Variants in ADAMTS2 observed in about 807,000 individuals in gnomAD.
The protein encoded by ADAMTS2 is ADAM metallopeptidase with thrombospondin type 1 motif 2.
Under a neutral mutation model 123.0 loss-of-function variants are expected in ADAMTS2, and 50 were observed. That is an observed-to-expected ratio of 0.41 (90% confidence interval 0.32 to 0.51). The LOEUF (loss-of-function observed/expected upper bound fraction) is 0.51. ADAMTS2 is among the 20% of genes least tolerant of loss of function. The pLI is 0.35. For synonymous variants in ADAMTS2, 678 were observed against 695.4 expected (o/e 0.98, Z 0.39); for missense variants, 1,494 against 1,705.2 (o/e 0.88, Z 2.18).
rs139191479 is a variant in ADAMTS2 at position 179,199,866 on chromosome 5, G to A, written c.891+7647C>T. Among the ~76,000 whole-genome samples, 57 of 152,272 alleles carry A rather than the reference G, an allele frequency of 3.7e-4. 1 individual carries two copies. Among genetic ancestry groups the A allele is most frequent in the African/African-American group, 1.1e-3 (46 of 41,544 alleles). ...AATATTTGCATTTAAAATAGCCATC[G>A]CACAATTTAAAGATGAATAAGAAAT... On this transcript the variant is annotated intron_variant, in intron 4 of 21. Coordinates refer to ENST00000251582, the MANE Select transcript of ADAMTS2 (RefSeq NM_014244.5).
At chr5:179,230,500 G>A (rs1429118632) in intron 3 of ADAMTS2, among the ~76,000 whole-genome samples, 1 of 147,420 alleles carries the variant, frequency 6.8e-6, no homozygotes, top group Admixed American at 7.1e-5. Context: ...GTTATGCCCG[G>A]GAGGGCTGTG....
In ADAMTS2 at chr5:179,117,266, G is replaced by T. The variant is rs1241857132; in HGVS notation, c.3179-2942C>A. On this transcript the variant is annotated intron_variant, in intron 21 of 21. Coordinates refer to ENST00000251582, the MANE Select transcript of ADAMTS2 (RefSeq NM_014244.5). The surrounding 1 kb of genome is among the most constrained non-coding windows in gnomAD (Gnocchi z 4.2). The stretch of plus-strand genomic sequence containing the variant: ...CCCTTCTCCCTACCCCATAGGCTTT[G>T]ACAAAGGAGGGAGCCTGGGCCTGAT... 2.0e-5 allele frequency among the ~76,000 whole-genome samples: 3 copies of T among 152,288 alleles called. No individual in the cohort carries two copies. Among genetic ancestry groups the T allele is most frequent in the South Asian group, 2.1e-4 (1 of 4,828 alleles).
At position 179,189,273 on chromosome 5, in the gene ADAMTS2, A is replaced by C. The variant is rs1389048073; in HGVS notation, c.892-8118T>G. On this transcript the variant is annotated intron_variant, in intron 4 of 21. Coordinates refer to ENST00000251582, the MANE Select transcript of ADAMTS2 (RefSeq NM_014244.5). The surrounding 1 kb of genome is among the most constrained non-coding windows in gnomAD (Gnocchi z 4.2). ...ACCTGGGTGCAGGTGGGCTGAGTCCAAAAAGAGAGTCAGCAAAGGGTGGTG... is the reference window on the plus strand; with the variant it reads ...ACCTGGGTGCAGGTGGGCTGAGTCCCAAAAGAGAGTCAGCAAAGGGTGGTG... Among the ~76,000 whole-genome samples, 2 of 152,192 alleles carry C rather than the reference A, an allele frequency of 1.3e-5. No individual in the cohort carries two copies. The highest frequency in any genetic ancestry group is 6.5e-5 in the Admixed American group (1 of 15,276).
intron 3 of ADAMTS2, among the ~76,000 whole-genome samples, chr5:179,217,958 T>G (rs1158537759): frequency 6.6e-6 from 1 of 151,534 alleles, no homozygotes; most frequent in East Asian, 1.9e-4. Context: ...AGAGGTGCTG[T>G]GCTACTGCCT....
chr5:179,342,529 G>A (rs1757805189), intron 2 of ADAMTS2, among the ~76,000 whole-genome samples: 1 of 152,264 alleles, frequency 6.6e-6, no homozygotes, highest in South Asian at 2.1e-4. Flanking sequence ...AAGAATGACA[G>A]TGGTTGCAGA....
At chr5:179,171,644 C>G (rs546108287) in intron 5 of ADAMTS2, among the ~76,000 whole-genome samples, 1 of 152,228 alleles carries the variant, frequency 6.6e-6, no homozygotes, top group Admixed American at 6.5e-5. Flanking sequence ...CCCCTACCCC[C>G]ATCACTGCCT....
At chr5:179,122,933 C>T (rs555049624) in intron 19 of ADAMTS2, 160 bp from the exon 20 acceptor site, 186 of 1,034,966 alleles carry the variant, frequency 1.8e-4, no homozygotes, top group Non-Finnish European at 2.5e-4. Context: ...GCCCCACCCT[C>T]GGGGGCAGCC....
chr5:179,153,636 C>T lies in ADAMTS2; in HGVS notation c.1383-13G>A. ...GCAGTCATAGGAGCTGTGGGGGACA[C>T]ACGGTGCCGCGAGCAGCCTTCAGCG... On this transcript the variant is annotated splice_polypyrimidine_tract_variant and intron_variant, in intron 8 of 21. Transcript: ENST00000251582. The T allele has an allele frequency of 1.3e-6, 2 of 1,598,590 alleles. No homozygotes were observed. The highest frequency in any genetic ancestry group is 1.7e-6 in the Non-Finnish European group (2 of 1,178,742).
intron 3 of ADAMTS2, among the ~76,000 whole-genome samples, chr5:179,233,175 A>G (rs1004022251): frequency 6.6e-6 from 1 of 152,230 alleles, no homozygotes; most frequent in Non-Finnish European, 1.5e-5. Context: ...AGAGTTGCAG[A>G]TAACTCCACA....
chr5:179,187,764 G>T (rs759635150), intron 4 of ADAMTS2, among the ~76,000 whole-genome samples: 2 of 152,202 alleles, frequency 1.3e-5, no homozygotes, highest in Non-Finnish European at 1.5e-5. Flanking sequence ...TTAAACCTTG[G>T]GGGGAAATGT....
At chr5:179,288,920 C>A (rs927485442) in intron 2 of ADAMTS2, among the ~76,000 whole-genome samples, 15 of 152,240 alleles carry the variant, frequency 9.9e-5, no homozygotes, top group African/African-American at 3.6e-4. Flanking sequence ...CAGCACAGCA[C>A]GGCACGGCAT....
rs1762640503 is a variant in ADAMTS2, at chr5:179,115,322, C to T, written c.3179-998G>A. On this transcript the variant is annotated intron_variant, in intron 21 of 21. Coordinates refer to ENST00000251582, the MANE Select transcript of ADAMTS2 (RefSeq NM_014244.5). The surrounding 1 kb of genome is among the most constrained non-coding windows in gnomAD (Gnocchi z 4.4). ...TCTCCTTCCCAAGTTTTCACCCCTT[C>T]CCTCTCCCCATCCCCTCATTCCACA... 6.6e-6 allele frequency among the ~76,000 whole-genome samples: 1 copy of T among 152,172 alleles called. No individual in the cohort carries two copies. Among genetic ancestry groups the T allele is most frequent in the Non-Finnish European group, 1.5e-5 (1 of 68,036 alleles).
rs572773937 is a variant in ADAMTS2, at chr5:179,327,230, G to A, written c.534+16537C>T. Among the ~76,000 whole-genome samples, 27 of 152,258 alleles carry A rather than the reference G, an allele frequency of 1.8e-4. 1 individual carries two copies. Among genetic ancestry groups the A allele is most frequent in the East Asian group, 9.7e-4 (5 of 5,180 alleles). ...CGTGGCCCACCAGTGTGCAAACTCC[G>A]CCCTGCACAATGGGAACCCTGAAGT... is the stretch of plus-strand genomic sequence containing the variant. On this transcript the variant is annotated intron_variant, in intron 2 of 21. Coordinates refer to ENST00000251582, the MANE Select transcript of ADAMTS2 (RefSeq NM_014244.5).
rs902682551 is a variant in ADAMTS2 at position 179,175,918 on chromosome 5, GGA to G, written c.975+5152_975+5153del. Reference sequence around the variant, plus strand: ...GATCTGCTGAGCAAGAAGCTTCCGTGGAGAAAGTTTTCAGAGACCACCTGTAC... The same window carrying G: ...GATCTGCTGAGCAAGAAGCTTCCGTGGAAAGTTTTCAGAGACCACCTGTAC... On this transcript the variant is annotated intron_variant, in intron 5 of 21. Transcript: ENST00000251582. The surrounding 1 kb of genome is among the most constrained non-coding windows in gnomAD (Gnocchi z 4.1). Among the ~76,000 whole-genome samples the G allele has an allele frequency of 1.3e-5, 2 of 151,696 alleles. No individual in the cohort carries two copies. Among genetic ancestry groups the G allele is most frequent in the African/African-American group, 4.8e-5 (2 of 41,258 alleles).
intron 3 of ADAMTS2, among the ~76,000 whole-genome samples, chr5:179,213,252 A>G (rs1012518361): frequency 6.6e-6 from 1 of 151,998 alleles, no homozygotes; most frequent in African/African-American, 2.4e-5. Context: ...TCCTTATTTC[A>G]TCCCAAATTG....
rs1359479033 is a variant in ADAMTS2 at position 179,202,796 on chromosome 5, C to T, written c.891+4717G>A. On this transcript the variant is annotated intron_variant, in intron 4 of 21. Transcript: ENST00000251582. This position sits in a 1 kb window ranked among gnomAD's most constrained non-coding sequence, Gnocchi z 4.0. ...TGTTGCAGCTGTACCTACTGGGACA[C>T]ATGGCTTCCAAGGTTTCCGTGGCAG... 6.6e-6 allele frequency among the ~76,000 whole-genome samples: 1 copy of T among 152,230 alleles called. No homozygotes were observed. Among genetic ancestry groups the T allele is most frequent in the Non-Finnish European group, 1.5e-5 (1 of 68,042 alleles).
chr5:179,247,415 G>A (rs1467767512), intron 3 of ADAMTS2, among the ~76,000 whole-genome samples: 2 of 151,928 alleles, frequency 1.3e-5, no homozygotes, highest in African/African-American at 4.8e-5. Flanking sequence ...CAAAAAATGA[G>A]AGTTCAAGAA....
At position 179,260,441 on chromosome 5, in the gene ADAMTS2, C is replaced by T. The variant is rs566471914; in HGVS notation, c.688+12470G>A. On this transcript the variant is annotated intron_variant, in intron 3 of 21. Transcript: ENST00000251582. The surrounding 1 kb of genome is among the most constrained non-coding windows in gnomAD (Gnocchi z 4.2). ...CACATCCTCACTCACCCTCGCTGGG[C>T]CCCAGTTTCTGCAGCCGTTAAGTGG... Among the ~76,000 whole-genome samples the T allele has an allele frequency of 2.0e-4, 31 of 152,306 alleles. 1 individual carries two copies. The South Asian group carries it at 3.9e-3, about 19-fold the overall frequency.
intron 3 of ADAMTS2, among the ~76,000 whole-genome samples, chr5:179,233,832 C>T (rs868738658): frequency 6.6e-6 from 1 of 152,192 alleles, no homozygotes; most frequent in African/African-American, 2.4e-5. Flanking sequence ...CTGGGGGTGG[C>T]CCAGCATCCA....
Sources: allele counts gnomAD v4.1 joint callset (sites outside exome capture counted in the v4.1 genomes callset), GRCh38; gene constraint gnomAD v4.1.1; non-coding constraint Gnocchi (gnomAD v3.1); transcripts MANE v1.5; gene names NCBI Gene and HGNC (gene_info 2026-07-23, HGNC 2026-07-21).